PPM1E: variants seen among roughly 807,000 people sequenced by gnomAD.
The protein encoded by PPM1E is protein phosphatase, Mg2+/Mn2+ dependent 1E, also known as protein phosphatase 1E.
Under a neutral mutation model 65.9 loss-of-function variants are expected in PPM1E, and 20 were observed. The ratio of observed to expected loss-of-function variants is 0.30; its 90% CI spans 0.21 to 0.44. The LOEUF is 0.44. Among genes scored for constraint, PPM1E ranks in the 20% least tolerant of loss-of-function variants. The probability of loss-of-function intolerance (pLI) is 1.00; values close to 1 mark genes in which losing one functional copy is unlikely to be tolerated. For missense variants in PPM1E, 713 were observed against 953.1 expected (o/e 0.75, Z 3.32); for synonymous variants, 352 against 374.9 (o/e 0.94, Z 0.70).
At chr17:58,758,662 C>T (rs1005363148) in intron 1 of PPM1E, among the ~76,000 whole-genome samples, 8 of 151,990 alleles carry the variant, frequency 5.3e-5, no homozygotes, top group African/African-American at 1.2e-4. Context: ...AAAATATTTC[C>T]GCTTAAATCA....
chr17:58,840,536 A>G (rs1230076739), intron 1 of PPM1E, among the ~76,000 whole-genome samples: 6 of 152,168 alleles, frequency 3.9e-5, no homozygotes, highest in Non-Finnish European at 8.8e-5. Context: ...AAGAGTAACC[A>G]GGACTCCTTG....
chr17:58,817,983 C>T (rs533447603), intron 1 of PPM1E, among the ~76,000 whole-genome samples: 3 of 152,260 alleles, frequency 2.0e-5, no homozygotes, highest in South Asian at 2.1e-4. Context: ...TCGTGATCCA[C>T]CCGCCTCGGC....
intron 1 of PPM1E, among the ~76,000 whole-genome samples, chr17:58,907,477 T>A (rs1052413209): frequency 6.6e-6 from 1 of 152,174 alleles, no homozygotes; most frequent in Non-Finnish European, 1.5e-5. Context: ...TTGGATGAAG[T>A]AGTCTGTAGA....
At chr17:58,934,566 CA>C (rs2051950782) in intron 1 of PPM1E, among the ~76,000 whole-genome samples, 1 of 152,114 alleles carries the variant, frequency 6.6e-6, no homozygotes, top group Non-Finnish European at 1.5e-5. Flanking sequence ...GGGCACTAGA[CA>C]TCAAAAAGAG....
At chr17:58,926,421 A>C (rs554921738) in intron 1 of PPM1E, among the ~76,000 whole-genome samples, 5 of 151,578 alleles carry the variant, frequency 3.3e-5, no homozygotes, top group African/African-American at 4.8e-5. Flanking sequence ...GAAGGGTACT[A>C]TTGCTTTTCA....
At chr17:58,949,865 A>G (rs1210299960) in intron 1 of PPM1E, among the ~76,000 whole-genome samples, 1 of 152,142 alleles carries the variant, frequency 6.6e-6, no homozygotes, top group Non-Finnish European at 1.5e-5. Context: ...TTTGAAGAAT[A>G]GCTTTCCTGG....
At chr17:58,836,085 C>T (rs1176162232) in intron 1 of PPM1E, 1 of 152,004 alleles carries the variant, frequency 6.6e-6, no homozygotes, top group Admixed American at 6.6e-5. Flanking sequence ...GGATTCAAAC[C>T]CAGGTGTGGC....
intron 1 of PPM1E, among the ~76,000 whole-genome samples, chr17:58,922,107 G>T (rs1364941668): frequency 6.6e-6 from 1 of 150,482 alleles, no homozygotes; most frequent in African/African-American, 2.4e-5. Flanking sequence ...TATATATTTA[G>T]TATGATGAGA....
chr17:58,844,235 A>G (rs907760689), intron 1 of PPM1E, among the ~76,000 whole-genome samples: 2 of 152,182 alleles, frequency 1.3e-5, no homozygotes, highest in Non-Finnish European at 2.9e-5. Flanking sequence ...ATTTATTGTG[A>G]AGATTTTCTA....
At chr17:58,912,646 G>A (rs960933083) in intron 1 of PPM1E, among the ~76,000 whole-genome samples, 1 of 152,098 alleles carries the variant, frequency 6.6e-6, no homozygotes, top group African/African-American at 2.4e-5. Flanking sequence ...TAGAACCTCC[G>A]AAATGATGTG....
At chr17:58,775,742 G>A (rs1391036097) in intron 1 of PPM1E, among the ~76,000 whole-genome samples, 4 of 149,804 alleles carry the variant, frequency 2.7e-5, no homozygotes, top group East Asian at 2.0e-4. Context: ...GTGAAACCCC[G>A]TCTCTACTAA....
chr17:58,791,732 A>G (rs1365130971), intron 1 of PPM1E, among the ~76,000 whole-genome samples: 1 of 152,090 alleles, frequency 6.6e-6, no homozygotes, highest in Non-Finnish European at 1.5e-5. Context: ...ATTTAATCAT[A>G]ATGGGCTACA....
At chr17:58,869,182 T>TG (rs778524968) in intron 1 of PPM1E, among the ~76,000 whole-genome samples, 17 of 152,114 alleles carry the variant, frequency 1.1e-4, no homozygotes, top group Admixed American at 2.0e-4. Flanking sequence ...CAACAAAAGT[T>TG]TAAGTTATAG....
At chr17:58,970,057 A>C (rs1488136558) in intron 4 of PPM1E, among the ~76,000 whole-genome samples, 1 of 152,154 alleles carries the variant, frequency 6.6e-6, no homozygotes, top group Non-Finnish European at 1.5e-5. Flanking sequence ...CTCTAAGCAG[A>C]CTCTTGCTGA....
At chr17:58,788,769 C>A (rs1043024033) in intron 1 of PPM1E, among the ~76,000 whole-genome samples, 1 of 152,080 alleles carries the variant, frequency 6.6e-6, no homozygotes, top group East Asian at 1.9e-4. Flanking sequence ...CTTTTTCTGC[C>A]GCCTCAGTCT....
chr17:58,963,885 T>C (rs1197359343), intron 2 of PPM1E, among the ~76,000 whole-genome samples: 12 of 151,582 alleles, frequency 7.9e-5, no homozygotes, highest in Non-Finnish European at 1.5e-5. Context: ...CAAGACTCTC[T>C]CAGAAAAAAT....
Position 58,756,377 on chromosome 17 carries a change from T to C in PPM1E, c.380T>C (p.Leu127Pro). The stretch of plus-strand genomic sequence containing the variant: ...CCCCAGCTGCCGCCTTTGCCCCCGC[T>C]CCCGCGACCGCTGTCAGAGCGCATC... ...PPPQLPPLPPLPRPLSERITR... is the reference protein window; with the variant it reads ...PPPQLPPLPPPPRPLSERITR... The change falls in exon 1 of 7, where the codon CTC becomes CCC. Residue 127 changes from leucine (L) to proline (P), a missense_variant. Physicochemically the swap from Leu to Pro is moderately conservative, Grantham distance 98. Coordinates refer to ENST00000308249, the MANE Select transcript of PPM1E (RefSeq NM_014906.5). 7.3e-7 allele frequency: 1 copy of C among 1,372,510 alleles called. No homozygotes were observed. Among genetic ancestry groups the C allele is most frequent in the Non-Finnish European group, 9.4e-7 (1 of 1,064,662 alleles). 85.0% of individuals were successfully genotyped at this position (1,372,510 alleles called of 1,614,324 possible). A position where few individuals can be genotyped will look rare whatever the true frequency, so the allele number is the denominator to read the frequency against.
chr17:58,811,504 C>A (rs187589786), intron 1 of PPM1E, among the ~76,000 whole-genome samples: 1 of 152,018 alleles, frequency 6.6e-6, no homozygotes, highest in South Asian at 2.1e-4. Flanking sequence ...GTATGCATTG[C>A]GCAATCTGAA....
At chr17:58,828,319 C>T (rs899557845) in intron 1 of PPM1E, among the ~76,000 whole-genome samples, 20 of 151,800 alleles carry the variant, frequency 1.3e-4, no homozygotes, top group African/African-American at 4.8e-4. Context: ...AGTCTCTTAC[C>T]CTTTTCTTCT....
Sources: gnomAD v4.1 joint callset for allele counts (sites outside exome capture counted in the v4.1 genomes callset) on GRCh38, gnomAD v4.1.1 for gene constraint, MANE v1.5 for transcripts, NCBI Gene and HGNC (gene_info 2026-07-23, HGNC 2026-07-21) for gene names.